The following CPSF3 variants were observed in gnomAD, a reference collection of about 807,000 sequenced individuals.
The protein encoded by CPSF3 is cleavage and polyadenylation specific factor 3, also known as cleavage and polyadenylation specificity factor subunit 3.
In CPSF3, 57 loss-of-function variants were observed where a neutral mutation model predicts 84.1. The ratio of observed to expected loss-of-function variants is 0.68; its 90% CI spans 0.55 to 0.85. The LOEUF (loss-of-function observed/expected upper bound fraction) is 0.85. Ranked by LOEUF, CPSF3 falls within the 40% of genes least tolerant of loss-of-function variation. The pLI is 0.00. For missense variants in CPSF3, 522 were observed against 838.8 expected, an observed-to-expected ratio of 0.62 and a Z score of 4.66; for synonymous variants, 275 against 278.1, an observed-to-expected ratio of 0.99 and a Z score of 0.11.
At chr2:9,428,632 T>C (rs1015506033) in intron 1 of CPSF3, 133 bp from the exon 2 acceptor site, 1 of 633,298 alleles carries the variant, frequency 1.6e-6, no homozygotes, top group East Asian at 2.8e-5. Context: ...TAGAACTCTC[T>C]TACGTCTCAG....
intron 15 of CPSF3, among the ~76,000 whole-genome samples, chr2:9,466,180 G>GCA (rs34694633): frequency 1.3e-5 from 2 of 150,210 alleles, no homozygotes; most frequent in African/African-American, 2.5e-5. Context: ...GTCTCTACAC[G>GCA]CACACACACA....
chr2:9,458,146 G>A (rs1434171071), intron 14 of CPSF3, among the ~76,000 whole-genome samples: 1 of 152,190 alleles, frequency 6.6e-6, no homozygotes, highest in Non-Finnish European at 1.5e-5. Context: ...GCTCACAGCT[G>A]TAATCCCAGC....
At position 9,436,616 on chromosome 2, in the gene CPSF3, A is replaced by G. The variant is rs563184534; in HGVS notation, c.760+255A>G. On this transcript the variant is annotated intron_variant, in intron 7 of 17. Transcript: ENST00000238112. ...GTGAAACCCCATCTCTACTAAAAAT[A>G]CAAAAATTAGCCGGGCACAGTGACA... Among the ~76,000 whole-genome samples the G allele has an allele frequency of 1.5e-3, 228 of 152,092 alleles. 1 individual carries two copies. Among genetic ancestry groups the G allele is most frequent in the Middle Eastern group, 0.01 (3 of 294 alleles).
At chr2:9,430,165 T>A in intron 3 of CPSF3, 145 bp downstream of exon 3, 1 of 556,000 alleles carries the variant, frequency 1.8e-6, no homozygotes, top group Non-Finnish European at 3.1e-6. Context: ...AAACCAACAC[T>A]CCGTAATGTC....
At chr2:9,455,100 A>G (rs1681476708) in intron 12 of CPSF3, among the ~76,000 whole-genome samples, 1 of 151,248 alleles carries the variant, frequency 6.6e-6, no homozygotes, top group Non-Finnish European at 1.5e-5. Context: ...GCTCTGTGGC[A>G]TCCAAGAACC....
At position 9,423,699 on chromosome 2, in the gene CPSF3, C is replaced by T. The variant is rs763152292; in HGVS notation, c.-75C>T. Reference sequence around the variant, plus strand: ...ATGGGGTTCTTCCTTTTTTATTTACCGGTGGCTGTGCTTCCAATTTAGGAA... The same window carrying T: ...ATGGGGTTCTTCCTTTTTTATTTACTGGTGGCTGTGCTTCCAATTTAGGAA... On this transcript the variant is annotated 5_prime_UTR_variant, in exon 1 of 18. Transcript: ENST00000238112. 88 of 1,562,398 alleles carry T rather than the reference C, an allele frequency of 5.6e-5. No homozygotes were observed. Among genetic ancestry groups the T allele is most frequent in the Non-Finnish European group, 7.1e-5 (81 of 1,147,242 alleles).
chr2:9,464,119 C>T (rs1434596537), intron 15 of CPSF3, among the ~76,000 whole-genome samples: 31 of 152,068 alleles, frequency 2.0e-4, no homozygotes, highest in Admixed American at 2.0e-3. Flanking sequence ...TATGTGTCCC[C>T]ATTCTTAACC....
intron 11 of CPSF3, among the ~76,000 whole-genome samples, 184 bp downstream of exon 11, chr2:9,448,534 G>A (rs1681199657): frequency 6.6e-6 from 1 of 152,036 alleles, no homozygotes; most frequent in Non-Finnish European, 1.5e-5. Context: ...TCTTCAGGTG[G>A]AAAATGTTCA....
chr2:9,425,883 C>T lies in CPSF3; in HGVS notation c.50+2060C>T, dbSNP rs573356575. On this transcript the variant is annotated intron_variant, in intron 1 of 17. Transcript: ENST00000238112. ...ACATTTTCATCACTCCCAAGAGATA[C>T]CTTGTATTCATTAGCAGTCATAGAC... Among the ~76,000 whole-genome samples the T allele has an allele frequency of 1.1e-4, 16 of 152,312 alleles. No homozygotes were observed. In the South Asian group the frequency reaches 2.3e-3, roughly 22 times the overall value.
intron 8 of CPSF3, among the ~76,000 whole-genome samples, chr2:9,440,878 G>C (rs1680942903): frequency 6.6e-6 from 1 of 152,230 alleles, no homozygotes; most frequent in Non-Finnish European, 1.5e-5. Flanking sequence ...ATCGTAGGCA[G>C]TGCTTGTCAG....
intron 15 of CPSF3, among the ~76,000 whole-genome samples, chr2:9,461,570 T>A (rs1032259567): frequency 6.6e-6 from 1 of 151,526 alleles, no homozygotes; most frequent in Admixed American, 6.6e-5. Context: ...TTCAGGAGGC[T>A]GAGGGGCGAA....
At chr2:9,423,877 G>T in intron 1 of CPSF3, 54 bp downstream of exon 1, 1 of 1,600,580 alleles carries the variant, frequency 6.2e-7, no homozygotes, top group East Asian at 2.3e-5. Context: ...GGGCGCGAGG[G>T]GTAACCGGAG....
At chr2:9,424,045 A>G in intron 1 of CPSF3, 1 of 1,273,536 alleles carries the variant, frequency 7.9e-7, no homozygotes, top group Non-Finnish European at 9.9e-7. Context: ...CATCAGTTTC[A>G]GGGGAGGGTA....
chr2:9,452,532 C>T (rs1280528741), intron 11 of CPSF3, among the ~76,000 whole-genome samples: 2 of 152,144 alleles, frequency 1.3e-5, no homozygotes, highest in Non-Finnish European at 2.9e-5. Context: ...ATCAGTGGGC[C>T]TCACTCTCTG....
At chr2:9,426,749 C>T (rs62118851) in intron 1 of CPSF3, among the ~76,000 whole-genome samples, 43,725 of 151,652 alleles carry the variant, frequency 0.29, 7,443 homozygotes, top group Middle Eastern at 0.39. Flanking sequence ...GGAGTGACAA[C>T]GGCTGCCAAG....
chr2:9,452,997 A>G lies in CPSF3; in HGVS notation c.1480A>G (p.Ile494Val). ...TGTTAAAAGAAACTTTAATTATCAC[A>G]TACTTTCTCCTTGCGACCTGTCCAG... ...ILVKRNFNYH[I>V]LSPCDLSNYT... Residue 494 changes from isoleucine to valine, a missense_variant, in exon 12 of 18, where the codon ATA becomes GTA. Transcript: ENST00000238112. The G allele has an allele frequency of 6.2e-7, 1 of 1,609,218 alleles. No homozygotes were observed. Among genetic ancestry groups the G allele is most frequent in the Non-Finnish European group, 8.5e-7 (1 of 1,177,764 alleles).
intron 1 of CPSF3, among the ~76,000 whole-genome samples, chr2:9,425,180 G>A (rs1333369438): frequency 6.6e-6 from 1 of 152,250 alleles, no homozygotes; most frequent in African/African-American, 2.4e-5. Context: ...ACATATGAAA[G>A]TGAGAGTGGT....
At chr2:9,460,053 A>G (rs921108173) in intron 15 of CPSF3, among the ~76,000 whole-genome samples, 4 of 152,156 alleles carry the variant, frequency 2.6e-5, no homozygotes, top group Non-Finnish European at 5.9e-5. Context: ...TTTAAGATAT[A>G]AAATACACAC....
rs200356690 is a variant in CPSF3 at position 9,432,693 on chromosome 2, C to T, written c.519+5C>T. On this transcript the variant is annotated splice_donor_5th_base_variant and intron_variant, in intron 5 of 17. Transcript: ENST00000238112. ...ATTGAGATCGCAGGCGTGAAGGTAC[C>T]CTCTGGCTGTGGCGCTTTTCTCCCC... 2 of 1,495,990 alleles carry T rather than the reference C, an allele frequency of 1.3e-6. No homozygotes were observed. The highest frequency in any genetic ancestry group is 2.3e-5 in the East Asian group (1 of 43,408). 92.7% of individuals were successfully genotyped at this position (1,495,990 alleles called of 1,614,324 possible). A position where few individuals can be genotyped will look rare whatever the true frequency, so the allele number is the denominator to read the frequency against.
Sources: allele counts gnomAD v4.1 joint callset (sites outside exome capture counted in the v4.1 genomes callset), GRCh38; gene constraint gnomAD v4.1.1; transcripts MANE v1.5; gene names NCBI Gene and HGNC (gene_info 2026-07-23, HGNC 2026-07-21).